Variants in TAAR5 observed in about 807,000 individuals in gnomAD.
TAAR5 encodes trace amine-associated receptor 5.
TAAR5 carries 27 observed loss-of-function variants against 21.1 expected under a neutral mutation model. That is an observed-to-expected ratio of 1.28 (90% confidence interval 0.94 to 1.76). The LOEUF (loss-of-function observed/expected upper bound fraction) is 1.76, where lower values mean the gene tolerates loss of function less well. TAAR5 is among the 40% of genes most tolerant of loss of function. The pLI, the probability that TAAR5 is intolerant of heterozygous loss-of-function variation, is 0.00. For synonymous variants in TAAR5, 203 were observed against 167.5 expected (o/e 1.21, Z -1.64); for missense variants, 495 against 405.6 (o/e 1.22, Z -1.89).
the TAAR5 span, among the ~76,000 whole-genome samples, chr6:132,610,068 A>G: frequency 6.6e-6 from 1 of 152,176 alleles, no homozygotes; most frequent in Non-Finnish European, 1.5e-5. Flanking sequence ...AGACCAATAA[A>G]AATTACAAAT....
At chr6:132,600,264 T>G in the TAAR5 span, among the ~76,000 whole-genome samples, 13 of 132,368 alleles carry the variant, frequency 9.8e-5, no homozygotes, top group Non-Finnish European at 2.1e-4. Flanking sequence ...GGTTCATTAT[T>G]GTTTACAGTT....
chr6:132,614,966 T>A, the TAAR5 span, among the ~76,000 whole-genome samples: 1 of 152,040 alleles, frequency 6.6e-6, no homozygotes, highest in Non-Finnish European at 1.5e-5. Context: ...TGGGTTCAAG[T>A]GATTCTCCTG....
the TAAR5 span, among the ~76,000 whole-genome samples, chr6:132,597,456 G>T: frequency 0.013 from 1,929 of 152,166 alleles, 39 homozygotes; most frequent in African/African-American, 0.044. Flanking sequence ...TTGCTAAAGG[G>T]AACTGAGTAT....
In TAAR5 at chr6:132,589,489, G is replaced by C; in HGVS notation, c.198C>G (p.His66Gln). 6.2e-7 allele frequency: 1 copy of C among 1,613,936 alleles called. No individual in the cohort carries two copies. Among genetic ancestry groups the C allele is most frequent in the Non-Finnish European group, 8.5e-7 (1 of 1,179,942 alleles). ...AGAGCAGCAGGAAGTTGGTGGGCGT[G>C]TGAAGCGCTTTGAAGTAGGACACAG... Reference protein sequence around the residue: ...AFAVSYFKALHTPTNFLLLSL... With the variant: ...AFAVSYFKALQTPTNFLLLSL... The change falls in exon 1 of 1, where the codon CAC (histidine) becomes CAG (glutamine). Residue 66 changes from histidine to glutamine, a missense_variant. Coordinates refer to ENST00000258034, the MANE Select transcript of TAAR5 (RefSeq NM_003967.3).
chr6:132,601,000 G>A, the TAAR5 span, among the ~76,000 whole-genome samples: 4 of 129,998 alleles, frequency 3.1e-5, no homozygotes, highest in Non-Finnish European at 3.2e-5. Flanking sequence ...AAGGAGGGAA[G>A]GAGGGAAGGA....
chr6:132,603,486 T>A, the TAAR5 span, among the ~76,000 whole-genome samples: 5 of 123,622 alleles, frequency 4.0e-5, no homozygotes, highest in African/African-American at 1.8e-4. Flanking sequence ...GATTAGCACA[T>A]TTTCTCTCAA....
At chr6:132,608,213 G>A in the TAAR5 span, 25 of 390,562 alleles carry the variant, frequency 6.4e-5, no homozygotes, top group Admixed American at 4.1e-4. Context: ...AATCTCATTT[G>A]CAATATTCTA....
At chr6:132,596,615 TA>T in the TAAR5 span, among the ~76,000 whole-genome samples, 1 of 152,364 alleles carries the variant, frequency 6.6e-6, no homozygotes, top group East Asian at 1.9e-4. Context: ...TGACATGTTT[TA>T]TTTGCTCTGG....
At chr6:132,602,822 A>T in the TAAR5 span, among the ~76,000 whole-genome samples, 1 of 148,556 alleles carries the variant, frequency 6.7e-6, no homozygotes, top group African/African-American at 2.5e-5. Context: ...ATAAATACTG[A>T]TCAGAAAGGA....
At chr6:132,616,735 C>G in the TAAR5 span, among the ~76,000 whole-genome samples, 1 of 152,272 alleles carries the variant, frequency 6.6e-6, no homozygotes, top group African/African-American at 2.4e-5. Flanking sequence ...CAAAGTACAT[C>G]TGGTAAGATA....
At chr6:132,604,143 TTTC>T in the TAAR5 span, among the ~76,000 whole-genome samples, 2 of 128,780 alleles carry the variant, frequency 1.6e-5, no homozygotes, top group Non-Finnish European at 3.1e-5. Context: ...CTTTTTTTCT[TTTC>T]TTTTTTTTTT....
rs1776848316 is a variant in TAAR5, at chr6:132,588,635, G to A, written c.*38C>T. 4 of 1,571,008 alleles carry A rather than the reference G, an allele frequency of 2.5e-6. No individual in the cohort carries two copies. The African/African-American group carries it at 4.0e-5, about 16-fold the overall frequency. ...GGTCACAGTGCCACTTATCTTTCCTGTGAGGTCCTACTCCTTGCCTGCATT... is the reference window on the plus strand; with the variant it reads ...GGTCACAGTGCCACTTATCTTTCCTATGAGGTCCTACTCCTTGCCTGCATT... On this transcript the variant is annotated 3_prime_UTR_variant, in exon 1 of 1. Transcript: ENST00000258034.
the TAAR5 span, among the ~76,000 whole-genome samples, chr6:132,605,295 G>A: frequency 7.9e-5 from 12 of 152,180 alleles, no homozygotes; most frequent in African/African-American, 2.7e-4. Flanking sequence ...AGAAGACAGG[G>A]GTGGAAGGGA....
the TAAR5 span, among the ~76,000 whole-genome samples, chr6:132,607,729 A>T: frequency 2.0e-5 from 3 of 152,194 alleles, no homozygotes; most frequent in African/African-American, 7.2e-5. Flanking sequence ...AAAATAACTG[A>T]ATAGTTTGTA....
the TAAR5 span, among the ~76,000 whole-genome samples, chr6:132,606,069 A>G: frequency 6.6e-6 from 1 of 152,308 alleles, no homozygotes. Flanking sequence ...ACACATGGTC[A>G]TAAAAATGGT....
the TAAR5 span, among the ~76,000 whole-genome samples, chr6:132,614,748 C>G: frequency 6.6e-6 from 1 of 152,288 alleles, no homozygotes; most frequent in South Asian, 2.1e-4. Context: ...GATCCAGGAG[C>G]TTCCAGATAG....
the TAAR5 span, among the ~76,000 whole-genome samples, chr6:132,614,354 C>T: frequency 0.013 from 2,011 of 152,258 alleles, 50 homozygotes; most frequent in African/African-American, 0.046. Context: ...ATTTACCAAC[C>T]TTGTCAAATG....
upstream of TAAR5, among the ~76,000 whole-genome samples, chr6:132,590,982 A>C (rs375248348): frequency 1.3e-5 from 2 of 152,166 alleles, no homozygotes; most frequent in African/African-American, 4.8e-5. Flanking sequence ...TGGTTCATGA[A>C]GGGGTGGTTT....
chr6:132,595,963 A>G, the TAAR5 span, among the ~76,000 whole-genome samples: 5 of 152,222 alleles, frequency 3.3e-5, no homozygotes, highest in African/African-American at 1.2e-4. Flanking sequence ...CACTTATGAC[A>G]TACTATTCGA....
Sources: gnomAD v4.1 joint callset for allele counts (sites outside exome capture counted in the v4.1 genomes callset) on GRCh38, gnomAD v4.1.1 for gene constraint, MANE v1.5 for transcripts, NCBI Gene and HGNC (gene_info 2026-07-23, HGNC 2026-07-21) for gene names.